The following UGT1A9 variants were observed in gnomAD, a reference collection of about 807,000 sequenced individuals.
The protein encoded by UGT1A9 is UDP-glucuronosyltransferase 1A9.
UGT1A9 carries 35 observed loss-of-function variants against 45.0 expected under a neutral mutation model. That is an observed-to-expected ratio of 0.78 (90% CI 0.59 to 1.03). UGT1A9 has a LOEUF of 1.03. Among genes scored for constraint, UGT1A9 ranks in the 50% least tolerant of loss-of-function variants. The pLI is 0.00. For synonymous variants in UGT1A9, 278 were observed against 250.6 expected (o/e 1.11, Z -1.03); for missense variants, 687 against 666.6 (o/e 1.03, Z -0.34).
At position 233,769,418 on chromosome 2, in the gene UGT1A9, C is replaced by T; in HGVS notation, c.1295+979C>T. The T allele has an allele frequency of 1.4e-6, 2 of 1,431,096 alleles. No individual in the cohort carries two copies. The highest frequency in any genetic ancestry group is 1.9e-6 in the Non-Finnish European group (2 of 1,028,754). The allele number at this position is 1,431,096 out of a possible 1,614,324, so 88.6% of individuals were successfully genotyped here. ...GTGCATATGTGCGTGTGCGTTTGTG[C>T]ATGTGGCTGTGCTCATGTGTGGGTG... On this transcript the variant is annotated intron_variant, in intron 4 of 4. Transcript: ENST00000354728. The surrounding 1 kb of genome is among the most constrained non-coding windows in gnomAD (Gnocchi z 4.4).
In UGT1A9 at chr2:233,747,728, T is replaced by C. The variant is rs1488461574; in HGVS notation, c.856-19306T>C. 2.5e-6 allele frequency: 4 copies of C among 1,613,386 alleles called. No homozygotes were observed. In the African/African-American group the frequency reaches 4.0e-5, roughly 16 times the overall value. Reference sequence around the variant, plus strand: ...ACCTATCAATTCCTGCTGTGTTTTTTTTGAGGAACATTCCATGTGATTTAG... The same window carrying C: ...ACCTATCAATTCCTGCTGTGTTTTTCTTGAGGAACATTCCATGTGATTTAG... On this transcript the variant is annotated intron_variant, in intron 1 of 4. Coordinates refer to ENST00000354728, the MANE Select transcript of UGT1A9 (RefSeq NM_021027.3).
intron 4 of UGT1A9, chr2:233,770,813 A>G (rs910931761): frequency 2.0e-5 from 3 of 152,228 alleles, no homozygotes; most frequent in African/African-American, 7.2e-5. Flanking sequence ...ACAGTGTATT[A>G]GGCTGTTCTT....
chr2:233,681,968 C>T, intron 1 of UGT1A9: 1 of 1,614,070 alleles, frequency 6.2e-7, no homozygotes, highest in Non-Finnish European at 8.5e-7. Flanking sequence ...TGGCCTCCTT[C>T]CCCTATATGT....
intron 1 of UGT1A9, chr2:233,743,684 G>A (rs753997745): frequency 1.5e-6 from 2 of 1,367,252 alleles, no homozygotes; most frequent in Non-Finnish European, 2.0e-6. Context: ...CCTGCCGCCT[G>A]TGCAGCCGCC....
chr2:233,735,668 T>C (rs552280878), intron 1 of UGT1A9, among the ~76,000 whole-genome samples: 4 of 152,360 alleles, frequency 2.6e-5, no homozygotes, highest in African/African-American at 4.8e-5. Context: ...TTTCCATGTT[T>C]AGTGCTTCCT....
chr2:233,733,522 T>C (rs2078409587), intron 1 of UGT1A9, among the ~76,000 whole-genome samples: 1 of 152,228 alleles, frequency 6.6e-6, no homozygotes, highest in Non-Finnish European at 1.5e-5. Flanking sequence ...CATGAAGGGA[T>C]GTTTAATTTT....
chr2:233,697,449 T>C (rs2075391490), intron 1 of UGT1A9, among the ~76,000 whole-genome samples: 1 of 152,002 alleles, frequency 6.6e-6, no homozygotes, highest in Non-Finnish European at 1.5e-5. Flanking sequence ...TGATTTTATC[T>C]GAGTGTTTTC....
intron 1 of UGT1A9, chr2:233,743,939 C>T: frequency 7.4e-7 from 1 of 1,355,422 alleles, no homozygotes; most frequent in Non-Finnish European, 9.9e-7. Context: ...GAACGGCCCA[C>T]CAGGCACTGG....
intron 1 of UGT1A9, among the ~76,000 whole-genome samples, chr2:233,683,538 A>G (rs964692013): frequency 1.3e-5 from 2 of 152,182 alleles, no homozygotes; most frequent in African/African-American, 4.8e-5. Context: ...TTTTCACTAA[A>G]TGAGTGAGAT....
chr2:233,762,117 T>C (rs1697974110), intron 1 of UGT1A9, among the ~76,000 whole-genome samples: 1 of 152,230 alleles, frequency 6.6e-6, no homozygotes, highest in Non-Finnish European at 1.5e-5. Context: ...CTTCACATCA[T>C]GAGCCATGTG....
At chr2:233,705,435 C>T (rs1194240506) in intron 1 of UGT1A9, among the ~76,000 whole-genome samples, 4 of 152,116 alleles carry the variant, frequency 2.6e-5, no homozygotes, top group Non-Finnish European at 5.9e-5. Flanking sequence ...ATAACTTATC[C>T]TTCAGAATTG....
intron 1 of UGT1A9, chr2:233,755,320 T>G: frequency 2.0e-6 from 1 of 508,264 alleles, no homozygotes; most frequent in Admixed American, 3.4e-5. Flanking sequence ...GCGGCAAGGC[T>G]GCCAGCACCC....
intron 1 of UGT1A9, among the ~76,000 whole-genome samples, chr2:233,714,127 G>A (rs1240971453): frequency 2.0e-5 from 3 of 152,154 alleles, no homozygotes; most frequent in African/African-American, 4.8e-5. Context: ...GAGACTGTTC[G>A]TTTGTAAAAG....
At chr2:233,760,473 T>C (rs2125984600) in intron 1 of UGT1A9, 2 of 1,614,230 alleles carry the variant, frequency 1.2e-6, no homozygotes, top group Non-Finnish European at 1.7e-6. Flanking sequence ...TCCTAGCACC[T>C]GACGCCTCGT....
rs762488947 is a variant in UGT1A9, at chr2:233,772,318, C to T, written c.1352C>T (p.Pro451Leu). 5 of 1,614,112 alleles carry T rather than the reference C, an allele frequency of 3.1e-6. No homozygotes were observed. Among genetic ancestry groups the T allele is most frequent in the African/African-American group, 1.3e-5 (1 of 74,934 alleles). The change falls in exon 5 of 5, where the codon CCG (proline) becomes CTG (leucine). Residue 451 changes from proline to leucine, a missense_variant. Physicochemically the swap from Pro to Leu is moderately conservative, Grantham distance 98. Transcript: ENST00000354728. ...SSLHKDRPVE[P>L]LDLAVFWVEF... is the part of the protein sequence containing the mutation. ...CTTCACAAGGACCGCCCGGTGGAGC[C>T]GCTGGACCTGGCCGTGTTCTGGGTG...
chr2:233,769,665 G>A lies in UGT1A9; in HGVS notation c.1295+1226G>A. 6.3e-7 allele frequency: 1 copy of A among 1,592,194 alleles called. No individual in the cohort carries two copies. Among genetic ancestry groups the A allele is most frequent in the Non-Finnish European group, 8.6e-7 (1 of 1,169,328 alleles). On this transcript the variant is annotated intron_variant, in intron 4 of 4. Transcript: ENST00000354728. The surrounding 1 kb of genome is among the most constrained non-coding windows in gnomAD (Gnocchi z 4.4). ...TGATGACTGACTTCCCACCTTTGAG[G>A]TGCTAATGTGTGTGTGGTGGCACTG...
intron 1 of UGT1A9, among the ~76,000 whole-genome samples, chr2:233,720,592 G>A (rs1417484127): frequency 6.6e-6 from 1 of 151,946 alleles, no homozygotes; most frequent in Non-Finnish European, 1.5e-5. Context: ...TTTCAGAGGT[G>A]ACTTTCATTA....
chr2:233,680,729 G>A (rs928524208), intron 1 of UGT1A9, among the ~76,000 whole-genome samples: 3 of 152,104 alleles, frequency 2.0e-5, no homozygotes, highest in African/African-American at 4.8e-5. Context: ...AGGGGTGCTC[G>A]GTAGAATGGA....
intron 1 of UGT1A9, among the ~76,000 whole-genome samples, chr2:233,724,270 G>C (rs1404305230): frequency 7.4e-6 from 1 of 134,526 alleles, no homozygotes; most frequent in African/African-American, 2.8e-5. Context: ...CGGACGGGGC[G>C]GCTGGCCGGG....
Sources: allele counts gnomAD v4.1 joint callset (sites outside exome capture counted in the v4.1 genomes callset), GRCh38; gene constraint gnomAD v4.1.1; non-coding constraint Gnocchi (gnomAD v3.1); transcripts MANE v1.5; gene names NCBI Gene and HGNC (gene_info 2026-07-23, HGNC 2026-07-21).